The following PTPRD variants were observed in gnomAD, a reference collection of about 807,000 sequenced individuals.
PTPRD encodes the protein receptor-type tyrosine-protein phosphatase delta.
Under a neutral mutation model 214.5 loss-of-function variants are expected in PTPRD, and 34 were observed. The ratio of observed to expected loss-of-function variants is 0.16; its 90% CI spans 0.12 to 0.21. The LOEUF (loss-of-function observed/expected upper bound fraction) is 0.21. Ranked by LOEUF, PTPRD falls within the 10% of genes least tolerant of loss-of-function variation. The probability of loss-of-function intolerance (pLI) is 1.00; values close to 1 mark genes in which losing one functional copy is unlikely to be tolerated. For missense variants in PTPRD, 2,545 were observed against 2,398.7 expected, an observed-to-expected ratio of 1.06 and a Z score of -1.27; for synonymous variants, 1,128 against 845.7, an observed-to-expected ratio of 1.33 and a Z score of -5.79.
chr9:8,490,100 G>A (rs955314805), intron 27 of PTPRD, among the ~76,000 whole-genome samples: 3 of 152,148 alleles, frequency 2.0e-5, no homozygotes, highest in Non-Finnish European at 2.9e-5. Context: ...CTCCAGCACT[G>A]GAGCTTGAGG....
At chr9:9,838,632 T>C (rs1343321299) in intron 5 of PTPRD, among the ~76,000 whole-genome samples, 1 of 152,208 alleles carries the variant, frequency 6.6e-6, no homozygotes, top group Non-Finnish European at 1.5e-5. Context: ...TTCTTGTAAA[T>C]TTGTTTGAGT....
At chr9:9,050,922 T>G (rs888055937) in intron 10 of PTPRD, among the ~76,000 whole-genome samples, 1 of 152,208 alleles carries the variant, frequency 6.6e-6, no homozygotes, top group Non-Finnish European at 1.5e-5. Flanking sequence ...CTATCCACAG[T>G]GTCAGGCATC....
At chr9:9,543,692 AAAAC>A (rs1360555091) in intron 8 of PTPRD, among the ~76,000 whole-genome samples, 1 of 151,648 alleles carries the variant, frequency 6.6e-6, no homozygotes, top group Non-Finnish European at 1.5e-5. Flanking sequence ...ATTGTTACTG[AAAAC>A]AAACAACAAA....
At chr9:8,371,703 A>G (rs2081579858) in intron 39 of PTPRD, among the ~76,000 whole-genome samples, 1 of 152,100 alleles carries the variant, frequency 6.6e-6, no homozygotes, top group African/African-American at 2.4e-5. Context: ...GTGTATATCA[A>G]CAAAACTATC....
chr9:9,348,065 G>A (rs963383142), intron 9 of PTPRD, among the ~76,000 whole-genome samples: 5 of 152,082 alleles, frequency 3.3e-5, no homozygotes, highest in South Asian at 2.1e-4. Context: ...AAATCCAAGT[G>A]TGCACAATCA....
chr9:10,365,108 G>T (rs1337004830), intron 2 of PTPRD, among the ~76,000 whole-genome samples: 1 of 152,066 alleles, frequency 6.6e-6, no homozygotes, highest in African/African-American at 2.4e-5. Context: ...ATTAGCTGAA[G>T]GACTCATCAT....
chr9:9,809,977 G>C lies in PTPRD; in HGVS notation c.-367-43126C>G, dbSNP rs79503359. Among the ~76,000 whole-genome samples, 1,241 of 152,092 alleles carry C rather than the reference G, an allele frequency of 8.2e-3. 17 individuals carry two copies. Among genetic ancestry groups the C allele is most frequent in the African/African-American group, 0.028 (1,174 of 41,488 alleles). ...GCCCACATGGGTTTGAACTGTGTGA[G>C]TTCACATATATGTGGATTTTTTCCA... On this transcript the variant is annotated intron_variant, in intron 5 of 45. Coordinates refer to ENST00000381196, the MANE Select transcript of PTPRD (RefSeq NM_002839.4).
intron 5 of PTPRD, among the ~76,000 whole-genome samples, chr9:9,864,430 T>C (rs931031906): frequency 3.9e-5 from 6 of 152,030 alleles, no homozygotes; most frequent in African/African-American, 1.4e-4. Context: ...GTGTGTGACA[T>C]AGATTCCGTG....
intron 2 of PTPRD, among the ~76,000 whole-genome samples, chr9:10,464,510 T>C (rs1051858482): frequency 7.6e-6 from 1 of 130,982 alleles, no homozygotes; most frequent in Non-Finnish European, 1.8e-5. Context: ...AAGATGAAGA[T>C]GAAGAGAACG....
chr9:9,607,311 A>G (rs1204079274), intron 7 of PTPRD, among the ~76,000 whole-genome samples: 1 of 152,190 alleles, frequency 6.6e-6, no homozygotes, highest in East Asian at 1.9e-4. Flanking sequence ...TCCAAATAAT[A>G]AACGCTTTTT....
At chr9:9,767,788 T>C (rs1213646535) in intron 5 of PTPRD, among the ~76,000 whole-genome samples, 2 of 152,160 alleles carry the variant, frequency 1.3e-5, no homozygotes, top group African/African-American at 4.8e-5. Context: ...AGCAATTTTC[T>C]TCCATATTTA....
intron 12 of PTPRD, among the ~76,000 whole-genome samples, chr9:8,686,802 C>A (rs544015670): frequency 6.6e-6 from 1 of 152,234 alleles, no homozygotes; most frequent in South Asian, 2.1e-4. Flanking sequence ...TAAGTTTTGA[C>A]GCATTTAAAG....
intron 11 of PTPRD, among the ~76,000 whole-genome samples, chr9:8,778,500 C>T (rs538116214): frequency 9.2e-5 from 14 of 152,308 alleles, no homozygotes; most frequent in African/African-American, 2.6e-4. Context: ...CTGCCCAACA[C>T]TGAAACTGAC....
At chr9:10,417,072 C>A (rs1482418233) in intron 2 of PTPRD, among the ~76,000 whole-genome samples, 1 of 151,768 alleles carries the variant, frequency 6.6e-6, no homozygotes, top group Non-Finnish European at 1.5e-5. Flanking sequence ...TTAGTGAAGA[C>A]AACAAACTGT....
At chr9:10,192,278 A>G (rs1435493254) in intron 3 of PTPRD, among the ~76,000 whole-genome samples, 1 of 152,032 alleles carries the variant, frequency 6.6e-6, no homozygotes, top group Non-Finnish European at 1.5e-5. Context: ...ATTGCCTGAG[A>G]TGTTATGTAA....
At chr9:9,547,287 G>A (rs944127814) in intron 8 of PTPRD, among the ~76,000 whole-genome samples, 1 of 152,036 alleles carries the variant, frequency 6.6e-6, no homozygotes, top group African/African-American at 2.4e-5. Flanking sequence ...CCCTGAATGT[G>A]CAGAGCTTAC....
chr9:9,577,461 G>A (rs562123665), intron 7 of PTPRD, among the ~76,000 whole-genome samples: 13 of 152,074 alleles, frequency 8.5e-5, no homozygotes, highest in African/African-American at 3.1e-4. Context: ...GCCACTTGGG[G>A]GCTTAGAAAG....
chr9:10,259,206 A>T (rs951025804), intron 3 of PTPRD, among the ~76,000 whole-genome samples: 1 of 151,642 alleles, frequency 6.6e-6, no homozygotes, highest in Non-Finnish European at 1.5e-5. Flanking sequence ...TTGTATTTTT[A>T]GTAGAGAAGG....
intron 5 of PTPRD, among the ~76,000 whole-genome samples, chr9:9,933,357 G>T (rs1396398092): frequency 9.9e-5 from 15 of 151,862 alleles, no homozygotes; most frequent in African/African-American, 3.4e-4. Context: ...GACACACACA[G>T]GCTCAAAATA....
Sources: gnomAD v4.1 joint callset for allele counts (sites outside exome capture counted in the v4.1 genomes callset) on GRCh38, gnomAD v4.1.1 for gene constraint, MANE v1.5 for transcripts, NCBI Gene and HGNC (gene_info 2026-07-23, HGNC 2026-07-21) for gene names.